MIA2: variants seen among roughly 807,000 people sequenced by gnomAD.
The protein encoded by MIA2 is melanoma inhibitory activity protein 2.
In MIA2, 127 loss-of-function variants were observed where a neutral mutation model predicts 167.8. The ratio of observed to expected loss-of-function variants is 0.76; its 90% confidence interval spans 0.66 to 0.88. The LOEUF (loss-of-function observed/expected upper bound fraction) is 0.88. Ranked by LOEUF, MIA2 falls within the 40% of genes least tolerant of loss-of-function variation. MIA2 has a pLI of 0.00. For missense variants in MIA2, 1,690 were observed against 1,624.7 expected (o/e 1.04, Z -0.69); for synonymous variants, 552 against 541.9 (o/e 1.02, Z -0.26).
intron 3 of MIA2, among the ~76,000 whole-genome samples, chr14:39,241,970 T>C (rs553158543): frequency 1.3e-5 from 2 of 152,318 alleles, no homozygotes; most frequent in African/African-American, 4.8e-5. Context: ...AGGCTATTTC[T>C]TCTGGTTGGA....
intron 10 of MIA2, among the ~76,000 whole-genome samples, chr14:39,291,509 C>T (rs2060736879): frequency 6.6e-6 from 1 of 152,124 alleles, no homozygotes. Flanking sequence ...ACAGTATTTG[C>T]TTTATTTTCA....
chr14:39,235,177 A>G (rs2053674786), intron 1 of MIA2, among the ~76,000 whole-genome samples: 1 of 151,930 alleles, frequency 6.6e-6, no homozygotes, highest in Non-Finnish European at 1.5e-5. Context: ...CTGGGATTAT[A>G]GGCGCACGCC....
downstream of MIA2, among the ~76,000 whole-genome samples, chr14:39,354,908 C>T (rs554505240): frequency 1.3e-3 from 204 of 152,042 alleles, 1 homozygote; most frequent in African/African-American, 4.5e-3. Flanking sequence ...CTGTTCTGTT[C>T]CATTGATCTA....
chr14:39,251,569 A>G (rs182736527), intron 4 of MIA2, among the ~76,000 whole-genome samples: 1 of 152,266 alleles, frequency 6.6e-6, no homozygotes, highest in Admixed American at 6.5e-5. Flanking sequence ...ATTTGAGTAT[A>G]ATTATTGAAT....
chr14:39,327,913 A>G (rs1354748829), intron 25 of MIA2, among the ~76,000 whole-genome samples: 1 of 152,214 alleles, frequency 6.6e-6, no homozygotes, highest in Admixed American at 6.5e-5. Context: ...TATCATGAAC[A>G]GTGCCGCAAT....
At chr14:39,357,745 C>G (rs1476171045) in intron 23 of MIA2, among the ~76,000 whole-genome samples, 5 of 152,136 alleles carry the variant, frequency 3.3e-5, no homozygotes, top group African/African-American at 1.2e-4. Flanking sequence ...TAGGGCAGGC[C>G]TGGTGGTGAC....
At chr14:39,270,412 G>C (rs1195367593) in intron 6 of MIA2, among the ~76,000 whole-genome samples, 2 of 151,920 alleles carry the variant, frequency 1.3e-5, no homozygotes, top group African/African-American at 2.4e-5. Context: ...TGTTGGCCAG[G>C]ATGATCTCGA....
At chr14:39,276,846 G>A (rs2058071194) in intron 6 of MIA2, 88 bp from the exon 7 acceptor site, 4 of 1,449,384 alleles carry the variant, frequency 2.8e-6, no homozygotes, top group East Asian at 2.3e-5. Context: ...CCCATTTTGT[G>A]TTGACCACAT....
intron 23 of MIA2, among the ~76,000 whole-genome samples, chr14:39,356,670 C>T (rs144775693): frequency 0.071 from 10,849 of 152,224 alleles, 832 homozygotes; most frequent in East Asian, 0.44. Context: ...ACTTTTTCTG[C>T]TTTCTCTTGT....
chr14:39,321,159 G>C, intron 24 of MIA2, 103 bp downstream of exon 24: 1 of 1,109,308 alleles, frequency 9.0e-7, no homozygotes. Context: ...GGAAAATACA[G>C]GCATTCCTTG....
chr14:39,388,265 A>G lies in MIA2; in HGVS notation c.*1313A>G, dbSNP rs1567067778. On this transcript the variant is annotated 3_prime_UTR_variant, in exon 24 of 24. Transcript: ENST00000341502. The surrounding 1 kb of genome is among the most constrained non-coding windows in gnomAD (Gnocchi z 4.1). ...TATTGACAGCTATCCAAACAATCTT[A>G]CATTTTTTCCTTCATGTTTTTCTTT... 6.6e-6 allele frequency: 1 copy of G among 152,232 alleles called. No homozygotes were observed. The highest frequency in any genetic ancestry group is 6.5e-5 in the Admixed American group (1 of 15,284). The allele number at this position is 152,232 out of a possible 1,614,324, so 9.4% of individuals were successfully genotyped here. A position where few individuals can be genotyped will look rare whatever the true frequency, so the allele number is the denominator to read the frequency against.
At chr14:39,386,370 T>G in intron 23 of MIA2, 1 of 1,545,912 alleles carries the variant, frequency 6.5e-7, no homozygotes, top group Non-Finnish European at 8.9e-7. Flanking sequence ...GAACTGGGAC[T>G]CTCTTTTGAG....
At chr14:39,236,830 C>A in intron 1 of MIA2, 92 bp from the exon 2 acceptor site, 2 of 1,205,946 alleles carry the variant, frequency 1.7e-6, no homozygotes, top group Non-Finnish European at 2.3e-6. Context: ...CATTTGGAAA[C>A]ATATAGGATG....
chr14:39,252,940 C>A lies in MIA2; in HGVS notation c.1760C>A (p.Ser587Tyr). 1 of 1,610,068 alleles carries A rather than the reference C, an allele frequency of 6.2e-7. No individual in the cohort carries two copies. Among genetic ancestry groups the A allele is most frequent in the Non-Finnish European group, 8.5e-7 (1 of 1,177,796 alleles). Residue 587 changes from serine to tyrosine, a missense_variant, in exon 5 of 29, where the codon TCT becomes TAT. Coordinates refer to ENST00000640607, the MANE Select transcript of MIA2 (RefSeq NM_001329214.4). ...SQMVSTDNSL[S>Y]SQNYISQKED... Reference sequence around the variant, plus strand: ...ATGGTTTCAACTGATAACTCTTTGTCTTCTCAAAATTATATTTCTCAGAAA... The same window carrying A: ...ATGGTTTCAACTGATAACTCTTTGTATTCTCAAAATTATATTTCTCAGAAA...
Position 39,234,535 on chromosome 14 carries a change from A to T in MIA2, c.115+306A>T, listed in dbSNP as rs2053644774. Among the ~76,000 whole-genome samples, 5 of 152,222 alleles carry T rather than the reference A, an allele frequency of 3.3e-5. No individual in the cohort carries two copies. The South Asian group carries it at 1.0e-3, about 32-fold the overall frequency. ...AGTCTCTGAGCCTATTCTGGCTCAG[A>T]AGGCTGCCCATTAAAAAAAAAAGAT... On this transcript the variant is annotated intron_variant, in intron 1 of 28. Transcript: ENST00000640607.
At chr14:39,304,447 TA>T in intron 17 of MIA2, 66 bp downstream of exon 17, 1 of 837,416 alleles carries the variant, frequency 1.2e-6, no homozygotes, top group Non-Finnish European at 1.8e-6. Flanking sequence ...CAGAGAATGG[TA>T]AAAATGAATT....
At chr14:39,287,597 C>A (rs1313710152) in intron 9 of MIA2, among the ~76,000 whole-genome samples, 2 of 151,702 alleles carry the variant, frequency 1.3e-5, no homozygotes, top group Non-Finnish European at 2.9e-5. Context: ...TGAAGTCTTG[C>A]TCTTTCACTA....
At chr14:39,291,565 G>A (rs1461808194) in intron 10 of MIA2, among the ~76,000 whole-genome samples, 3 of 152,248 alleles carry the variant, frequency 2.0e-5, no homozygotes, top group East Asian at 1.9e-4. Flanking sequence ...AGAGGTTTAC[G>A]TTATAAGTAA....
chr14:39,364,622 T>C (rs2074775842), intron 23 of MIA2, among the ~76,000 whole-genome samples: 1 of 152,208 alleles, frequency 6.6e-6, no homozygotes, highest in East Asian at 1.9e-4. Context: ...GTGATGAATT[T>C]TCTCAGTTTT....
Sources: allele counts gnomAD v4.1 joint callset (sites outside exome capture counted in the v4.1 genomes callset), GRCh38; gene constraint gnomAD v4.1.1; non-coding constraint Gnocchi (gnomAD v3.1); transcripts MANE v1.5; gene names NCBI Gene and HGNC (gene_info 2026-07-23, HGNC 2026-07-21).